The following FAM186B variants were observed in gnomAD, a reference collection of about 807,000 sequenced individuals.
FAM186B encodes protein FAM186B.
In FAM186B, 68 loss-of-function variants were observed where a neutral mutation model predicts 83.4. The observed-to-expected ratio is 0.81, with a 90% CI of 0.67 to 1.00. The LOEUF (loss-of-function observed/expected upper bound fraction) is 1.00, where lower values mean the gene tolerates loss of function less well. Among genes scored for constraint, FAM186B ranks in the 50% least tolerant of loss-of-function variants. The probability of loss-of-function intolerance (pLI) is 0.00; values close to 1 mark genes in which losing one functional copy is unlikely to be tolerated. For synonymous variants in FAM186B, 389 were observed against 422.0 expected, an observed-to-expected ratio of 0.92 and a Z score of 0.96; for missense variants, 983 against 1,099.2, an observed-to-expected ratio of 0.89 and a Z score of 1.49.
the FAM186B span, among the ~76,000 whole-genome samples, chr12:49,614,301 A>G: frequency 2.0e-5 from 3 of 152,248 alleles, no homozygotes; most frequent in African/African-American, 4.8e-5. Flanking sequence ...CACAATAGCA[A>G]AAACATGGAA....
At chr12:49,616,033 G>GT in the FAM186B span, among the ~76,000 whole-genome samples, 3,274 of 142,796 alleles carry the variant, frequency 0.023, 70 homozygotes, top group African/African-American at 0.063. Flanking sequence ...GAGTTTGGCA[G>GT]TTTTTTTTTT....
chr12:49,589,325 C>T (rs1480657518), intron 5 of FAM186B, among the ~76,000 whole-genome samples: 1 of 152,148 alleles, frequency 6.6e-6, no homozygotes, highest in Admixed American at 6.6e-5. Flanking sequence ...TCCTCCAATC[C>T]CTCCAAGCTG....
intron 3 of FAM186B, 105 bp downstream of exon 3, chr12:49,603,080 G>A: frequency 8.0e-7 from 1 of 1,256,702 alleles, no homozygotes; most frequent in Non-Finnish European, 1.1e-6. Flanking sequence ...AAACTTCTGT[G>A]ATGGAGGAGA....
rs1939501888 is a variant in FAM186B, at chr12:49,588,505, T to C, written c.2483A>G (p.Lys828Arg). The change falls in exon 6 of 7, where the codon AAG becomes AGG. Residue 828 changes from lysine to arginine, a missense_variant. Transcript: ENST00000257894. ...CCGGTGCCTAGACAGAAAGGGCTGC[T>C]TGTAGGTGGGGCCACTGGGGCGGAT... ...RHIRPSGPTY[K>R]QPFLSRHRAC... The C allele has an allele frequency of 6.2e-7, 1 of 1,613,518 alleles. No homozygotes were observed. The highest frequency in any genetic ancestry group is 8.5e-7 in the Non-Finnish European group (1 of 1,179,742).
Position 49,605,602 on chromosome 12 carries a change from C to T in FAM186B, c.-125G>A, listed in dbSNP as rs897547307. On this transcript the variant is annotated 5_prime_UTR_variant, in exon 1 of 7. The change creates a new upstream start codon in the 5' untranslated region. Transcript: ENST00000257894. ...CTCCTGGGTACCCTCTGCCCAGGCA[C>T]AGCTCCTCTGGTAACTGCCAAACAC... 3 of 969,132 alleles carry T rather than the reference C, an allele frequency of 3.1e-6. No homozygotes were observed. Among genetic ancestry groups the T allele is most frequent in the Non-Finnish European group, 4.5e-6 (3 of 663,066 alleles). The allele number at this position is 969,132 out of a possible 1,614,324, so 60.0% of individuals were successfully genotyped here.
At chr12:49,594,892 A>T (rs1243485383) in intron 5 of FAM186B, among the ~76,000 whole-genome samples, 3 of 152,082 alleles carry the variant, frequency 2.0e-5, no homozygotes, top group Non-Finnish European at 4.4e-5. Flanking sequence ...AAAAAAAGGA[A>T]TGCCGCAGAC....
chr12:49,588,315 G>T, intron 6 of FAM186B, 139 bp downstream of exon 6: 1 of 1,077,446 alleles, frequency 9.3e-7, no homozygotes, highest in Non-Finnish European at 1.3e-6. Flanking sequence ...CAGCTGAGAA[G>T]ACAGGCACTT....
At chr12:49,619,335 T>C in the FAM186B span, 1 of 358,560 alleles carries the variant, frequency 2.8e-6, no homozygotes. Flanking sequence ...GCAATCACTG[T>C]GTCAACAAAT....
In FAM186B at chr12:49,601,052, T is replaced by A; in HGVS notation, c.588A>T (p.Glu196Asp). ...SPSHPQPLSP[E>D]QMLQDQHTMN... is the part of the protein sequence containing the mutation. ...TGGTATGCTGGTCCTGGAGCATCTGTTCTGGGCTTAGTGGCTGAGGATGGG... is the reference window on the plus strand; with the variant it reads ...TGGTATGCTGGTCCTGGAGCATCTGATCTGGGCTTAGTGGCTGAGGATGGG... Residue 196 changes from glutamate (E) to aspartate (D), a missense_variant, in exon 4 of 7, where the codon GAA becomes GAT. Physicochemically the swap from Glu to Asp is conservative, Grantham distance 45. Transcript: ENST00000257894. The A allele has an allele frequency of 6.2e-7, 1 of 1,613,214 alleles. No individual in the cohort carries two copies. The highest frequency in any genetic ancestry group is 8.5e-7 in the Non-Finnish European group (1 of 1,179,452).
intron 5 of FAM186B, among the ~76,000 whole-genome samples, chr12:49,598,028 C>T (rs938436796): frequency 6.6e-6 from 1 of 152,190 alleles, no homozygotes; most frequent in African/African-American, 2.4e-5. Flanking sequence ...CCACCGCACT[C>T]CAGCCTGGGC....
In FAM186B at chr12:49,588,609, C is replaced by G. The variant is rs1465714602; in HGVS notation, c.2379G>C (p.Trp793Cys). Reference sequence around the variant, plus strand: ...CCTCAGGGATGTTCAGGTGAACGTTCCACTCCAGCTGGAGCTAGAGGAACC... The same window carrying G: ...CCTCAGGGATGTTCAGGTGAACGTTGCACTCCAGCTGGAGCTAGAGGAACC... ...VTMFPKLQLE[W>C]NVHLNIPEVT... The change falls in exon 6 of 7, where the codon TGG (tryptophan) becomes TGC (cysteine). Residue 793 changes from tryptophan to cysteine, a missense_variant. By Grantham distance (215) the Trp-to-Cys change is radical. Coordinates refer to ENST00000257894, the MANE Select transcript of FAM186B (RefSeq NM_032130.3). The G allele has an allele frequency of 1.3e-6, 2 of 1,586,748 alleles. No individual in the cohort carries two copies. Among genetic ancestry groups the G allele is most frequent in the Admixed American group, 1.7e-5 (1 of 58,370 alleles).
At chr12:49,617,493 G>A in the FAM186B span, among the ~76,000 whole-genome samples, 27 of 151,818 alleles carry the variant, frequency 1.8e-4, no homozygotes, top group African/African-American at 6.3e-4. Context: ...ACAGTGAGCC[G>A]AGACCACACC....
Position 49,599,416 on chromosome 12 carries a change from C to G in FAM186B, c.2171+53G>C, listed in dbSNP as rs888942313. On this transcript the variant is annotated intron_variant, in intron 4 of 6. Transcript: ENST00000257894. ...CCTTCTCTCCCACTGGGTTTAGGCT[C>G]TGCCAACATATTGCAGCAGGTGGGT... 3.3e-6 allele frequency: 5 copies of G among 1,502,846 alleles called. No homozygotes were observed. The African/African-American group carries it at 7.0e-5, about 21-fold the overall frequency. 93.1% of individuals were successfully genotyped at this position (1,502,846 alleles called of 1,614,324 possible).
chr12:49,603,861 A>C (rs1939951534), intron 2 of FAM186B, among the ~76,000 whole-genome samples: 1 of 152,082 alleles, frequency 6.6e-6, no homozygotes, highest in Non-Finnish European at 1.5e-5. Context: ...AGCACACAGC[A>C]CACAGGTCCT....
At chr12:49,588,350 C>T in intron 6 of FAM186B, 104 bp downstream of exon 6, 1 of 1,383,244 alleles carries the variant, frequency 7.2e-7, no homozygotes. Flanking sequence ...TGATATTGGC[C>T]TGTTGGTGCC....
At chr12:49,593,034 A>G (rs969521944) in intron 5 of FAM186B, 34 of 152,256 alleles carry the variant, frequency 2.2e-4, no homozygotes, top group African/African-American at 8.0e-4. Flanking sequence ...AGAGATTGAC[A>G]GATTGCATAA....
At chr12:49,588,702 G>T in intron 5 of FAM186B, 79 bp from the exon 6 acceptor site, 1 of 1,433,774 alleles carries the variant, frequency 7.0e-7, no homozygotes. Context: ...TTGTCTGTTT[G>T]TTGGTGCCCC....
upstream of FAM186B, among the ~76,000 whole-genome samples, chr12:49,608,212 C>T (rs77799086): frequency 5.5e-3 from 830 of 150,140 alleles, 21 homozygotes; most frequent in East Asian, 0.071. Context: ...AAAAGTTGGC[C>T]GGGTGCGGTG....
upstream of FAM186B, among the ~76,000 whole-genome samples, chr12:49,610,206 A>G (rs1940071001): frequency 6.6e-6 from 1 of 152,070 alleles, no homozygotes; most frequent in South Asian, 2.1e-4. Flanking sequence ...GTCCCCCCAC[A>G]CACAAATTAG....
Sources: allele counts gnomAD v4.1 joint callset (sites outside exome capture counted in the v4.1 genomes callset), GRCh38; gene constraint gnomAD v4.1.1; transcripts MANE v1.5; gene names NCBI Gene and HGNC (gene_info 2026-07-23, HGNC 2026-07-21).